Variants in TMEM106B observed in about 807,000 individuals in gnomAD.
TMEM106B encodes transmembrane protein 106B.
A neutral mutation model predicts 31.1 loss-of-function variants in TMEM106B; 15 were observed. That is an observed-to-expected ratio of 0.48 (90% confidence interval 0.32 to 0.74). TMEM106B has a LOEUF of 0.74. TMEM106B is among the 30% of genes least tolerant of loss of function. TMEM106B has a pLI of 0.03. For missense variants in TMEM106B, 283 were observed against 327.3 expected, an observed-to-expected ratio of 0.86 and a Z score of 1.04; for synonymous variants, 126 against 112.5, an observed-to-expected ratio of 1.12 and a Z score of -0.76.
intron 4 of TMEM106B, among the ~76,000 whole-genome samples, chr7:12,226,857 G>A (rs1455526769): frequency 6.6e-6 from 1 of 152,088 alleles, no homozygotes; most frequent in Admixed American, 6.5e-5. Context: ...TGCAACTGGG[G>A]AATTGTTGGG....
chr7:12,231,226 A>C, intron 7 of TMEM106B, 111 bp downstream of exon 7: 2 of 765,412 alleles, frequency 2.6e-6, no homozygotes, highest in Non-Finnish European at 4.4e-6. Context: ...GTTGGGTTTT[A>C]AGCCTTACAA....
In TMEM106B at chr7:12,234,613, T is replaced by G. The variant is rs981165736; in HGVS notation, c.*2638T>G. 6.6e-6 allele frequency: 1 copy of G among 151,850 alleles called. No homozygotes were observed. Among genetic ancestry groups the G allele is most frequent in the East Asian group, 1.9e-4 (1 of 5,200 alleles). The allele number at this position is 151,850 out of a possible 1,614,324, so 9.4% of individuals were successfully genotyped here. The stretch of plus-strand genomic sequence containing the variant: ...TTTTCCATGGGAATAGGATAGGTAT[T>G]AATACGCTTTTCTAAACTGCTCTCA... On this transcript the variant is annotated 3_prime_UTR_variant, in exon 8 of 8. Transcript: ENST00000396668.
intron 4 of TMEM106B, among the ~76,000 whole-genome samples, chr7:12,226,939 G>C (rs904630646): frequency 3.9e-5 from 6 of 151,912 alleles, no homozygotes; most frequent in Non-Finnish European, 5.9e-5. Flanking sequence ...ACATTGGCCA[G>C]ACTTTTTTTG....
rs764543448 is a variant in TMEM106B at position 12,232,024 on chromosome 7, A to G, written c.*49A>G. The stretch of plus-strand genomic sequence containing the variant: ...GAAGAAATATCTATTGATATTTCCT[A>G]TACTCTCAATGAAGAGGTATTTCCT... On this transcript the variant is annotated 3_prime_UTR_variant, in exon 8 of 8. Transcript: ENST00000396668. The G allele has an allele frequency of 2.7e-5, 42 of 1,553,040 alleles. No individual in the cohort carries two copies. Among genetic ancestry groups the G allele is most frequent in the Middle Eastern group, 3.4e-4 (2 of 5,882 alleles).
chr7:12,232,425 T>C lies in TMEM106B; in HGVS notation c.*450T>C, dbSNP rs1782044447. The C allele has an allele frequency of 6.6e-6, 1 of 152,316 alleles. No individual in the cohort carries two copies. Among genetic ancestry groups the C allele is most frequent in the African/African-American group, 2.4e-5 (1 of 41,452 alleles). The allele number at this position is 152,316 out of a possible 1,614,324, so 9.4% of individuals were successfully genotyped here. ...ATAACCTTTTTTCCTGTTTTATAAA[T>C]TCCCATTGTTATATGGTAGTATTTC... On this transcript the variant is annotated 3_prime_UTR_variant, in exon 8 of 8. Coordinates refer to ENST00000396668, the MANE Select transcript of TMEM106B (RefSeq NM_001134232.2).
rs1782138163 is a variant in TMEM106B, at chr7:12,236,443, T to C, written c.*4468T>C. 6.6e-6 allele frequency: 1 copy of C among 152,010 alleles called. No individual in the cohort carries two copies. The highest frequency in any genetic ancestry group is 2.1e-4 in the South Asian group (1 of 4,828). 9.4% of individuals were successfully genotyped at this position (152,010 alleles called of 1,614,324 possible). The stretch of plus-strand genomic sequence containing the variant: ...GGATTAATTTAACAAATATGGCAGA[T>C]TTTTCATAACTAAGTCTTAAGTCTT... On this transcript the variant is annotated 3_prime_UTR_variant, in exon 8 of 8. Transcript: ENST00000396668.
chr7:12,221,025 T>C (rs940573625), intron 3 of TMEM106B, among the ~76,000 whole-genome samples: 3 of 151,926 alleles, frequency 2.0e-5, no homozygotes, highest in African/African-American at 7.3e-5. Flanking sequence ...CCAAATCTAA[T>C]ACAATTGGTT....
chr7:12,224,404 G>A lies in TMEM106B; in HGVS notation c.441+19G>A, dbSNP rs745655336. The A allele has an allele frequency of 2.5e-6, 4 of 1,582,962 alleles. No individual in the cohort carries two copies. Among genetic ancestry groups the A allele is most frequent in the Non-Finnish European group, 3.5e-6 (4 of 1,155,654 alleles). On this transcript the variant is annotated intron_variant, in intron 4 of 7. Coordinates refer to ENST00000396668, the MANE Select transcript of TMEM106B (RefSeq NM_001134232.2). ...TATCACAGTGAGTATAAATTTATAT[G>A]AAAAATGTTTAACTTCATTCTTTTA...
chr7:12,226,216 G>A (rs1251296773), intron 4 of TMEM106B, among the ~76,000 whole-genome samples: 2 of 152,114 alleles, frequency 1.3e-5, no homozygotes, highest in Non-Finnish European at 1.5e-5. Flanking sequence ...GCTGTGTTCT[G>A]TTCCATTGGT....
At chr7:12,219,134 G>A (rs1781741211) in intron 3 of TMEM106B, among the ~76,000 whole-genome samples, 1 of 152,266 alleles carries the variant, frequency 6.6e-6, no homozygotes, top group Non-Finnish European at 1.5e-5. Flanking sequence ...GAGACGTTAG[G>A]AAATGTGGAA....
intron 5 of TMEM106B, 132 bp from the exon 6 acceptor site, chr7:12,230,257 A>G (rs191714520): frequency 1.3e-6 from 1 of 745,106 alleles, no homozygotes; most frequent in East Asian, 2.6e-5. Context: ...TTATACACAT[A>G]CAAGATGAAA....
chr7:12,221,087 A>AGTGT (rs71027479), intron 3 of TMEM106B, among the ~76,000 whole-genome samples: 13,804 of 149,994 alleles, frequency 0.092, 805 homozygotes, highest in Non-Finnish European at 0.13. Context: ...AAGCAAGTAA[A>AGTGT]GTGTGTGTGT....
chr7:12,232,874 A>T lies in TMEM106B; in HGVS notation c.*899A>T, dbSNP rs918137586. On this transcript the variant is annotated 3_prime_UTR_variant, in exon 8 of 8. Coordinates refer to ENST00000396668, the MANE Select transcript of TMEM106B (RefSeq NM_001134232.2). ...ACAGCTTGGATCTGGCATAAAATAA[A>T]TTTGAAATAAAATATTTTGATGCTC... 1 of 151,876 alleles carries T rather than the reference A, an allele frequency of 6.6e-6. No homozygotes were observed. Among genetic ancestry groups the T allele is most frequent in the Admixed American group, 6.6e-5 (1 of 15,226 alleles). The allele number at this position is 151,876 out of a possible 1,614,324, so 9.4% of individuals were successfully genotyped here.
Position 12,237,812 on chromosome 7 carries a change from T to TACACACAC in TMEM106B, c.*5840_*5841insCACACACA, listed in dbSNP as rs1209728862. ...ATGGCGAGACCCCATATAAAATATATACATACACACACACACACACACACA... is the reference window on the plus strand; with the variant it reads ...ATGGCGAGACCCCATATAAAATATATACACACACACATACACACACACACACACACACA... On this transcript the variant is annotated 3_prime_UTR_variant, in exon 8 of 8. Transcript: ENST00000396668. 1.0e-5 allele frequency: 1 copy of TACACACAC among 97,748 alleles called. No individual in the cohort carries two copies. Among genetic ancestry groups the TACACACAC allele is most frequent in the Non-Finnish European group, 2.1e-5 (1 of 47,210 alleles). The allele number at this position is 97,748 out of a possible 1,614,324, so 6.1% of individuals were successfully genotyped here. A position where few individuals can be genotyped will look rare whatever the true frequency, so the allele number is the denominator to read the frequency against.
At chr7:12,230,017 G>C (rs143516511) in intron 5 of TMEM106B, among the ~76,000 whole-genome samples, 198 bp downstream of exon 5, 9 of 151,374 alleles carry the variant, frequency 5.9e-5, no homozygotes, top group African/African-American at 1.9e-4. Context: ...AGGAATTCGA[G>C]ACCAGCCTGG....
At chr7:12,225,444 A>C (rs1348977607) in intron 4 of TMEM106B, among the ~76,000 whole-genome samples, 3 of 152,192 alleles carry the variant, frequency 2.0e-5, no homozygotes, top group Non-Finnish European at 2.9e-5. Flanking sequence ...GAATCACCAC[A>C]CTGTCTTCCA....
chr7:12,231,707 C>A, intron 7 of TMEM106B, 130 bp from the exon 8 acceptor site: 1 of 752,650 alleles, frequency 1.3e-6, no homozygotes, highest in Non-Finnish European at 2.0e-6. Context: ...GGATTGTGTG[C>A]ACAATATTAA....
At chr7:12,231,525 C>A (rs1583221530) in intron 7 of TMEM106B, 2 of 258,630 alleles carry the variant, frequency 7.7e-6, no homozygotes, top group Non-Finnish European at 1.4e-5. Flanking sequence ...ATTTGATTAA[C>A]CTTTTTTTCT....
rs1221691847 is a variant in TMEM106B, at chr7:12,240,530, A to G, written c.*8555A>G. 2 of 152,118 alleles carry G rather than the reference A, an allele frequency of 1.3e-5. No individual in the cohort carries two copies. Among genetic ancestry groups the G allele is most frequent in the Admixed American group, 6.6e-5 (1 of 15,260 alleles). The allele number at this position is 152,118 out of a possible 1,614,324, so 9.4% of individuals were successfully genotyped here. A position where few individuals can be genotyped will look rare whatever the true frequency, so the allele number is the denominator to read the frequency against. On this transcript the variant is annotated 3_prime_UTR_variant, in exon 8 of 8. Transcript: ENST00000396668. ...TTAAAATCTTGTATGAGGTAGTATG[A>G]TTTGAAATTAGATGGAATGTGCCCA...
Sources: allele counts gnomAD v4.1 joint callset (sites outside exome capture counted in the v4.1 genomes callset), GRCh38; gene constraint gnomAD v4.1.1; transcripts MANE v1.5; gene names NCBI Gene and HGNC (gene_info 2026-07-23, HGNC 2026-07-21).